The following DACH2 variants were observed in gnomAD, a reference collection of about 807,000 sequenced individuals.
The protein encoded by DACH2 is dachshund family transcription factor 2.
DACH2 carries 17 observed loss-of-function variants against 35.8 expected under a neutral mutation model. The observed-to-expected ratio is 0.48, with a 90% confidence interval of 0.33 to 0.71. DACH2 has a LOEUF of 0.71. Among genes scored for constraint, DACH2 ranks in the 30% least tolerant of loss-of-function variants. The probability of loss-of-function intolerance (pLI) is 0.02; values close to 1 mark genes in which losing one functional copy is unlikely to be tolerated. For synonymous variants in DACH2, 195 were observed against 177.3 expected, an observed-to-expected ratio of 1.10 and a Z score of -0.79; for missense variants, 469 against 472.7, an observed-to-expected ratio of 0.99 and a Z score of 0.07.
At chrX:86,328,709 C>T (rs1258890085) in intron 1 of DACH2, among the ~76,000 whole-genome samples, 1 of 111,720 alleles carries the variant, frequency 9.0e-6, no homozygotes, top group African/African-American at 3.3e-5. Context: ...GAGGATTCTG[C>T]CTATACCTAG....
intron 3 of DACH2, among the ~76,000 whole-genome samples, chrX:86,532,969 A>G (rs1006163006): frequency 8.0e-5 from 9 of 112,216 alleles, no homozygotes; most frequent in Non-Finnish European, 1.1e-4. Flanking sequence ...AACAAAAACC[A>G]TAATTTGCTT....
chrX:86,544,646 C>T (rs1174766022), intron 3 of DACH2, among the ~76,000 whole-genome samples: 3 of 111,181 alleles, frequency 2.7e-5, no homozygotes, highest in Non-Finnish European at 5.7e-5. Flanking sequence ...GAAGTGAGTG[C>T]TAAACATGGA....
chrX:86,311,458 G>A (rs776799193), intron 1 of DACH2, among the ~76,000 whole-genome samples: 5 of 111,577 alleles, frequency 4.5e-5, no homozygotes, highest in Non-Finnish European at 9.4e-5. Flanking sequence ...ACAATGCTCT[G>A]CCAGGCTGGG....
intron 1 of DACH2, among the ~76,000 whole-genome samples, chrX:86,170,848 A>G (rs2031102938): frequency 8.9e-6 from 1 of 112,296 alleles, no homozygotes; most frequent in South Asian, 3.7e-4. Context: ...GGTTTTCTAC[A>G]TTTTAGGGAG....
At chrX:86,725,428 A>G (rs2041455816) in intron 6 of DACH2, among the ~76,000 whole-genome samples, 1 of 111,778 alleles carries the variant, frequency 8.9e-6, no homozygotes, top group Non-Finnish European at 1.9e-5. Flanking sequence ...ACACAGGGTC[A>G]TTGGTATCTG....
At chrX:86,527,589 A>G (rs1383177132) in intron 3 of DACH2, among the ~76,000 whole-genome samples, 4 of 112,391 alleles carry the variant, frequency 3.6e-5, no homozygotes, top group Non-Finnish European at 5.6e-5. Flanking sequence ...ATTTGTTTAT[A>G]TATTTCACTC....
chrX:86,693,077 G>A (rs1307550183), intron 4 of DACH2, among the ~76,000 whole-genome samples: 1 of 112,496 alleles, frequency 8.9e-6, no homozygotes, highest in East Asian at 2.8e-4. Flanking sequence ...AGCACATGCT[G>A]TACAACAGCC....
chrX:86,513,128 A>G (rs933415026), intron 2 of DACH2, among the ~76,000 whole-genome samples: 10 of 112,019 alleles, frequency 8.9e-5, no homozygotes, highest in African/African-American at 3.2e-4. Flanking sequence ...TCTTACATTG[A>G]TGGATCATTT....
At chrX:86,521,985 G>A (rs1266945411) in intron 3 of DACH2, among the ~76,000 whole-genome samples, 1 of 111,440 alleles carries the variant, frequency 9.0e-6, no homozygotes, top group African/African-American at 3.3e-5. Context: ...AATGTTAGGT[G>A]TGCCATATTG....
chrX:86,196,092 G>T (rs1216892307), intron 1 of DACH2, among the ~76,000 whole-genome samples: 1 of 111,278 alleles, frequency 9.0e-6, no homozygotes, highest in African/African-American at 3.3e-5. Flanking sequence ...GGCTGAGATG[G>T]CTGAAATGAC....
chrX:86,409,270 A>G lies in DACH2; in HGVS notation c.527+32408A>G, dbSNP rs914039098. ...GGCAACTGTTTAAAAGACTACTCAT[A>G]ATTAAGTGACGATCCATAAGTAAAG... On this transcript the variant is annotated intron_variant, in intron 2 of 11. Coordinates refer to ENST00000373125, the MANE Select transcript of DACH2 (RefSeq NM_053281.3). 3.0e-4 allele frequency among the ~76,000 whole-genome samples: 33 copies of G among 111,570 alleles called. 1 individual carries two copies. Among genetic ancestry groups the G allele is most frequent in the African/African-American group, 9.8e-4 (30 of 30,749 alleles).
chrX:86,562,423 G>A (rs1215535773), intron 3 of DACH2, among the ~76,000 whole-genome samples: 1 of 111,072 alleles, frequency 9.0e-6, no homozygotes, highest in Non-Finnish European at 1.9e-5. Context: ...GTATATGCTT[G>A]CAAAGAAGGA....
At chrX:86,286,557 T>C (rs2147991404) in intron 1 of DACH2, among the ~76,000 whole-genome samples, 1 of 111,569 alleles carries the variant, frequency 9.0e-6, no homozygotes, top group South Asian at 3.8e-4. Context: ...GTGTTCCTTT[T>C]AGAGAAGGTG....
chrX:86,309,813 T>C (rs2034761495), intron 1 of DACH2, among the ~76,000 whole-genome samples: 1 of 112,023 alleles, frequency 8.9e-6, no homozygotes, highest in Non-Finnish European at 1.9e-5. Context: ...ACATTCCTCA[T>C]TTGGGTGTGT....
At chrX:86,197,190 C>T (rs1337577410) in intron 1 of DACH2, among the ~76,000 whole-genome samples, 2 of 111,420 alleles carry the variant, frequency 1.8e-5, no homozygotes, top group Admixed American at 1.9e-4. Context: ...GAAATAAGAT[C>T]CTTTTCAGAC....
chrX:86,292,911 G>A (rs1488099645), intron 1 of DACH2, among the ~76,000 whole-genome samples: 1 of 104,900 alleles, frequency 9.5e-6, no homozygotes, highest in African/African-American at 3.5e-5. Context: ...TGTTGATTTG[G>A]GGTGGAGAGT....
At chrX:86,408,247 A>T (rs1417803401) in intron 2 of DACH2, among the ~76,000 whole-genome samples, 2 of 111,923 alleles carry the variant, frequency 1.8e-5, no homozygotes, top group Non-Finnish European at 3.8e-5. Context: ...TTTAATAAAC[A>T]TATATTATAT....
intron 11 of DACH2, chrX:86,831,853 G>A: frequency 3.4e-6 from 1 of 296,824 alleles, no homozygotes; most frequent in Non-Finnish European, 5.8e-6. Context: ...AGTTCATGAA[G>A]AGCCTTTATC....
intron 3 of DACH2, among the ~76,000 whole-genome samples, chrX:86,584,749 G>A (rs956052504): frequency 9.0e-6 from 1 of 110,871 alleles, no homozygotes; most frequent in Non-Finnish European, 1.9e-5. Context: ...GGGGTGTGTT[G>A]TATGAATGAT....
Sources: allele counts gnomAD v4.1 joint callset (sites outside exome capture counted in the v4.1 genomes callset), GRCh38; gene constraint gnomAD v4.1.1; transcripts MANE v1.5; gene names NCBI Gene and HGNC (gene_info 2026-07-23, HGNC 2026-07-21).